TSHR: variants seen among roughly 807,000 people sequenced by gnomAD.
The protein encoded by TSHR is thyrotropin receptor.
A neutral mutation model predicts 64.1 loss-of-function variants in TSHR; 51 were observed. The observed-to-expected ratio is 0.80, with a 90% CI of 0.64 to 1.01. The LOEUF (loss-of-function observed/expected upper bound fraction) is 1.01. Ranked by LOEUF, TSHR falls within the 50% of genes least tolerant of loss-of-function variation. TSHR has a pLI of 0.00. For synonymous variants in TSHR, 361 were observed against 361.9 expected (o/e 1.00, Z 0.03); for missense variants, 877 against 942.8 (o/e 0.93, Z 0.91).
At chr14:81,136,751 A>G (rs1891471513) in intron 8 of TSHR, among the ~76,000 whole-genome samples, 1 of 152,170 alleles carries the variant, frequency 6.6e-6, no homozygotes, top group African/African-American at 2.4e-5. Context: ...CCCAACATCT[A>G]CTTTCTCCTT....
intron 1 of TSHR, among the ~76,000 whole-genome samples, chr14:81,008,081 G>A (rs1889697666): frequency 6.6e-6 from 1 of 152,096 alleles, no homozygotes; most frequent in South Asian, 2.1e-4. Context: ...CACTGATGAT[G>A]ATGACACTGT....
intron 1 of TSHR, among the ~76,000 whole-genome samples, chr14:80,988,392 G>A (rs1888576144): frequency 6.6e-6 from 1 of 152,026 alleles, no homozygotes; most frequent in African/African-American, 2.4e-5. Flanking sequence ...GTGGGGAAGT[G>A]CCACACACTT....
intron 8 of TSHR, among the ~76,000 whole-genome samples, chr14:81,115,889 GA>G (rs1254751816): frequency 2.0e-5 from 3 of 150,426 alleles, no homozygotes; most frequent in Non-Finnish European, 4.4e-5. Context: ...CATTCTTCAA[GA>G]AAAGAATTTT....
intron 1 of TSHR, among the ~76,000 whole-genome samples, chr14:80,963,172 A>G (rs1306313040): frequency 6.6e-6 from 1 of 152,234 alleles, no homozygotes; most frequent in Non-Finnish European, 1.5e-5. Context: ...ATATATATTG[A>G]TTATTCTTAA....
At chr14:80,982,950 T>C in intron 1 of TSHR, 1 of 532,302 alleles carries the variant, frequency 1.9e-6, no homozygotes, top group Non-Finnish European at 3.4e-6. Flanking sequence ...ATGTGGACTC[T>C]GAGGAATTTG....
chr14:81,081,337 GT>G (rs923594128), intron 3 of TSHR, among the ~76,000 whole-genome samples: 61 of 151,250 alleles, frequency 4.0e-4, no homozygotes, highest in African/African-American at 1.2e-3. Context: ...AATGATGAGA[GT>G]TTTTTTTTAC....
intron 1 of TSHR, among the ~76,000 whole-genome samples, chr14:81,008,588 A>C (rs917707595): frequency 3.9e-5 from 6 of 152,330 alleles, no homozygotes; most frequent in Non-Finnish European, 7.3e-5. Flanking sequence ...TTGAGATTCT[A>C]CCAATATAAA....
intron 1 of TSHR, among the ~76,000 whole-genome samples, chr14:81,058,154 G>A (rs938463124): frequency 2.0e-5 from 3 of 152,166 alleles, no homozygotes; most frequent in Admixed American, 6.5e-5. Flanking sequence ...GAACCAAAAA[G>A]AGAGTACTTA....
intron 1 of TSHR, among the ~76,000 whole-genome samples, chr14:81,030,897 A>G (rs541574605): frequency 6.6e-6 from 1 of 152,188 alleles, no homozygotes; most frequent in African/African-American, 2.4e-5. Flanking sequence ...CTTTTTGGTC[A>G]TGACATTTTT....
At chr14:81,060,207 G>A (rs900991008) in intron 1 of TSHR, among the ~76,000 whole-genome samples, 2 of 152,074 alleles carry the variant, frequency 1.3e-5, no homozygotes, top group Non-Finnish European at 2.9e-5. Flanking sequence ...TTTGCCTTAC[G>A]ACAGCTCTAT....
chr14:80,979,841 A>G (rs1353496743), intron 1 of TSHR, among the ~76,000 whole-genome samples: 3 of 151,974 alleles, frequency 2.0e-5, no homozygotes, highest in African/African-American at 7.2e-5. Context: ...CACCACTAAC[A>G]TTTTTTTCCA....
intron 1 of TSHR, among the ~76,000 whole-genome samples, chr14:81,025,427 T>C (rs1299765853): frequency 6.6e-6 from 1 of 151,966 alleles, no homozygotes. Flanking sequence ...ATTATTCCAA[T>C]GGATAAATCA....
intron 8 of TSHR, among the ~76,000 whole-genome samples, chr14:81,120,064 G>C (rs1369126748): frequency 3.7e-5 from 5 of 133,504 alleles, no homozygotes; most frequent in Non-Finnish European, 6.4e-5. Context: ...AGCATTGGGA[G>C]ATATACCTAA....
At position 81,144,236 on chromosome 14, in the gene TSHR, C is replaced by T. The variant is rs763415533; in HGVS notation, c.2178C>T (p.His726=). Residue 726 remains histidine (H), a synonymous_variant, in exon 10 of 10, where the codon CAC becomes CAT. Coordinates refer to ENST00000298171, the MANE Select transcript of TSHR (RefSeq NM_000369.5). ...ATATTCAGGTTCAAAAGGTTACCCACGAGATGAGGCAGGGTCTCCACAACA... is the reference window on the plus strand; with the variant it reads ...ATATTCAGGTTCAAAAGGTTACCCATGAGATGAGGCAGGGTCTCCACAACA... The part of the protein sequence containing the change: ...STDIQVQKVT[H]EMRQGLHNME... The T allele has an allele frequency of 1.7e-5, 27 of 1,613,172 alleles. No individual in the cohort carries two copies. Among genetic ancestry groups the T allele is most frequent in the Admixed American group, 8.3e-5 (5 of 59,940 alleles).
rs569371558 is a variant in TSHR at position 81,114,229 on chromosome 14, G to A, written c.692+5777G>A. 5.5e-3 allele frequency among the ~76,000 whole-genome samples: 841 copies of A among 152,104 alleles called. 6 individuals carry two copies. The highest frequency in any genetic ancestry group is 0.019 in the African/African-American group (801 of 41,484). On this transcript the variant is annotated intron_variant, in intron 8 of 9. Transcript: ENST00000298171. ...GTCTACAGCTCCCAGCGTCAGCGACGCAGAAGACGGGTGATTTCTGCATTT... is the reference window on the plus strand; with the variant it reads ...GTCTACAGCTCCCAGCGTCAGCGACACAGAAGACGGGTGATTTCTGCATTT...
chr14:81,025,303 T>C (rs1283212115), intron 1 of TSHR, among the ~76,000 whole-genome samples: 1 of 152,210 alleles, frequency 6.6e-6, no homozygotes, highest in Admixed American at 6.5e-5. Context: ...GGCCATATGG[T>C]TCAACTGCAA....
intron 1 of TSHR, among the ~76,000 whole-genome samples, chr14:81,041,937 AG>A (rs1441050132): frequency 6.6e-6 from 1 of 152,178 alleles, no homozygotes; most frequent in African/African-American, 2.4e-5. Context: ...TGCATTTTTC[AG>A]AATATATTCC....
intron 1 of TSHR, chr14:81,050,276 A>G (rs907353172): frequency 4.6e-5 from 7 of 152,326 alleles, no homozygotes; most frequent in Admixed American, 2.6e-4. Flanking sequence ...GGAAAGTTAA[A>G]TCAGTGTTCA....
At chr14:81,037,062 G>A (rs936706993) in intron 1 of TSHR, among the ~76,000 whole-genome samples, 1 of 151,966 alleles carries the variant, frequency 6.6e-6, no homozygotes. Flanking sequence ...AGAATTGCTT[G>A]AACCCGGGAG....
Sources: gnomAD v4.1 joint callset for allele counts (sites outside exome capture counted in the v4.1 genomes callset) on GRCh38, gnomAD v4.1.1 for gene constraint, MANE v1.5 for transcripts, NCBI Gene and HGNC (gene_info 2026-07-23, HGNC 2026-07-21) for gene names.